The following EMC8 variants were observed in gnomAD, a reference collection of about 807,000 sequenced individuals.
EMC8 encodes the protein COX4 neighbor.
EMC8 carries 11 observed loss-of-function variants against 24.3 expected under a neutral mutation model. The observed-to-expected ratio is 0.45, with a 90% CI of 0.28 to 0.75. The LOEUF (loss-of-function observed/expected upper bound fraction) is 0.75. EMC8 is among the 30% of genes least tolerant of loss of function. EMC8 has a pLI of 0.12. For missense variants in EMC8, 277 were observed against 282.7 expected, an observed-to-expected ratio of 0.98 and a Z score of 0.14; for synonymous variants, 145 against 117.7, an observed-to-expected ratio of 1.23 and a Z score of -1.50.
At chr16:85,791,221 C>T (rs1485741878) in intron 1 of EMC8, among the ~76,000 whole-genome samples, 1 of 152,064 alleles carries the variant, frequency 6.6e-6, no homozygotes, top group African/African-American at 2.4e-5. Context: ...ATTTTTAATG[C>T]ATACATTTTT....
chr16:85,790,349 G>C (rs910768645), intron 1 of EMC8, among the ~76,000 whole-genome samples: 2 of 152,058 alleles, frequency 1.3e-5, no homozygotes, highest in African/African-American at 4.8e-5. Context: ...AAGAGTTCAC[G>C]AATTACCATA....
intron 1 of EMC8, among the ~76,000 whole-genome samples, chr16:85,797,032 T>A (rs774550542): frequency 2.4e-4 from 36 of 152,228 alleles, no homozygotes; most frequent in Admixed American, 4.6e-4. Flanking sequence ...TAATCCCGCA[T>A]AAATGCTACT....
rs184964502 is a variant in EMC8, at chr16:85,793,830, T to A, written c.232-4780A>T. ...AATTTCCATACTAACATTTTATGGGTTTCTGCTATTAGGAATAATTCCTTC... is the reference window on the plus strand; with the variant it reads ...AATTTCCATACTAACATTTTATGGGATTCTGCTATTAGGAATAATTCCTTC... On this transcript the variant is annotated intron_variant, in intron 1 of 4. Transcript: ENST00000253457. Among the ~76,000 whole-genome samples the A allele has an allele frequency of 2.6e-5, 4 of 152,320 alleles. No individual in the cohort carries two copies. The East Asian group carries it at 7.7e-4, about 29-fold the overall frequency.
At chr16:85,785,567 C>G (rs908234488) in intron 2 of EMC8, among the ~76,000 whole-genome samples, 38 of 152,092 alleles carry the variant, frequency 2.5e-4, no homozygotes, top group African/African-American at 8.7e-4. Context: ...GAGACTCTGT[C>G]TGCTCTGCCA....
In EMC8 at chr16:85,778,830, G is replaced by A. The variant is rs1904360847; in HGVS notation, c.*878C>T. 6.6e-6 allele frequency: 1 copy of A among 152,076 alleles called. No individual in the cohort carries two copies. The highest frequency in any genetic ancestry group is 2.4e-5 in the African/African-American group (1 of 41,418). 9.4% of individuals were successfully genotyped at this position (152,076 alleles called of 1,614,324 possible). ...AATAATTCATATAAAAAGGAAAAAAGGTAAACGTACCATAAAGTTTCCCTC... is the reference window on the plus strand; with the variant it reads ...AATAATTCATATAAAAAGGAAAAAAAGTAAACGTACCATAAAGTTTCCCTC... On this transcript the variant is annotated 3_prime_UTR_variant, in exon 5 of 5. Coordinates refer to ENST00000253457, the MANE Select transcript of EMC8 (RefSeq NM_006067.5).
intron 2 of EMC8, among the ~76,000 whole-genome samples, chr16:85,782,698 A>T (rs1310110991): frequency 1.3e-5 from 2 of 152,120 alleles, no homozygotes; most frequent in Non-Finnish European, 2.9e-5. Context: ...ATTCCCTTGC[A>T]GAGCAGCACT....
chr16:85,781,510 A>G (rs1266207707), intron 2 of EMC8: 4 of 466,750 alleles, frequency 8.6e-6, no homozygotes, highest in African/African-American at 5.9e-5. Context: ...AGCCCACTGT[A>G]ACCTCAAATT....
At chr16:85,790,383 G>A (rs1904948328) in intron 1 of EMC8, among the ~76,000 whole-genome samples, 1 of 152,116 alleles carries the variant, frequency 6.6e-6, no homozygotes, top group South Asian at 2.1e-4. Flanking sequence ...AGGGCTCAGT[G>A]AACCAACTAG....
chr16:85,780,940 G>A (rs1316807432), intron 3 of EMC8: 1 of 522,168 alleles, frequency 1.9e-6, no homozygotes, highest in Non-Finnish European at 3.5e-6. Context: ...GGTCTGGGGT[G>A]GGTGCCTGGG....
chr16:85,797,929 G>A (rs1905314973), intron 1 of EMC8, among the ~76,000 whole-genome samples: 1 of 152,040 alleles, frequency 6.6e-6, no homozygotes, highest in Non-Finnish European at 1.5e-5. Context: ...TTTATAGATG[G>A]TCTTTTTCCC....
intron 2 of EMC8, among the ~76,000 whole-genome samples, chr16:85,785,524 C>T (rs763638141): frequency 7.2e-5 from 11 of 152,094 alleles, no homozygotes; most frequent in Admixed American, 3.9e-4. Flanking sequence ...GAGGCGAGAT[C>T]GTGCCACTGC....
In EMC8 at chr16:85,799,440, G is replaced by T; in HGVS notation, c.-145C>A. 1 of 440,478 alleles carries T rather than the reference G, an allele frequency of 2.3e-6. No individual in the cohort carries two copies. Among genetic ancestry groups the T allele is most frequent in the Non-Finnish European group, 3.9e-6 (1 of 258,892 alleles). The allele number at this position is 440,478 out of a possible 1,614,324, so 27.3% of individuals were successfully genotyped here. On this transcript the variant is annotated 5_prime_UTR_variant, in exon 1 of 5. Transcript: ENST00000253457. This position sits in a 1 kb window ranked among gnomAD's most constrained non-coding sequence, Gnocchi z 4.2. ...CGCGGGCTGGCGGGGGACCCTTCAG[G>T]CCCGGCCCCGTTTGGGCCTCGGCTC... is the stretch of plus-strand genomic sequence containing the variant.
chr16:85,790,046 T>C (rs1471569958), intron 1 of EMC8, among the ~76,000 whole-genome samples: 1 of 152,194 alleles, frequency 6.6e-6, no homozygotes, highest in Non-Finnish European at 1.5e-5. Flanking sequence ...AGGCCATTAT[T>C]CAAAACAACA....
chr16:85,780,300 A>ACAGG, intron 4 of EMC8, 79 bp downstream of exon 4: 2 of 1,016,464 alleles, frequency 2.0e-6, no homozygotes, highest in Admixed American at 3.6e-5. Flanking sequence ...AACTGAAAAC[A>ACAGG]CAGGCGGGGT....
Position 85,799,201 on chromosome 16 carries a change from G to A in EMC8, c.95C>T (p.Ala32Val), listed in dbSNP as rs141710669. ...CTCCTTACGCGGCTTCTGCTTCTCG[G>A]CCACCAGGAGCCCGTTGACGGCGCA... ...PHCAVNGLLV[A>V]EKQKPRKEHL... is the part of the protein sequence containing the mutation. Residue 32 changes from alanine (A) to valine (V), a missense_variant, in exon 1 of 5, where the codon GCC becomes GTC. Transcript: ENST00000253457. The surrounding 1 kb of genome is among the most constrained non-coding windows in gnomAD (Gnocchi z 4.2). 8.1e-6 allele frequency: 13 copies of A among 1,613,222 alleles called. No homozygotes were observed. The African/African-American group carries it at 1.5e-4, about 18-fold the overall frequency.
chr16:85,780,655 G>C (rs1193962950), intron 3 of EMC8, 182 bp from the exon 4 acceptor site: 1 of 592,760 alleles, frequency 1.7e-6, no homozygotes, highest in African/African-American at 1.9e-5. Context: ...GTGTCATGCA[G>C]GAAAACGTCA....
At chr16:85,780,111 C>G (rs150296259) in intron 4 of EMC8, 2 of 600,410 alleles carry the variant, frequency 3.3e-6, no homozygotes, top group African/African-American at 1.9e-5. Context: ...CTGAAGCTTT[C>G]TGAGTGGCCA....
At chr16:85,784,924 C>G (rs1904682508) in intron 2 of EMC8, 1 of 152,202 alleles carries the variant, frequency 6.6e-6, no homozygotes, top group Admixed American at 6.5e-5. Flanking sequence ...ATTGCAGATG[C>G]TCAAGAACTC....
chr16:85,799,075 GC>G lies in EMC8; in HGVS notation c.220del (p.Ala74LeufsTer4), dbSNP rs1368980258. 6.4e-7 allele frequency: 1 copy of G among 1,550,670 alleles called. No individual in the cohort carries two copies. Among genetic ancestry groups the G allele is most frequent in the Non-Finnish European group, 8.7e-7 (1 of 1,146,000 alleles). Reference protein sequence around the residue: ...TLALAPMLEVALTLIDSWCKD... With the variant: ...TLALAPMLEVXLTLIDSWCKD... ...CCTTTCCGCGCTTACCAGGGTGAGA[GC>G]CACCTCCAGCATGGGGGCGAGGGCC... On this transcript the variant is annotated frameshift_variant, in exon 1 of 5. Transcript: ENST00000253457. LOFTEE classifies it high-confidence loss of function. The surrounding 1 kb of genome is among the most constrained non-coding windows in gnomAD (Gnocchi z 4.2).
Sources: allele counts gnomAD v4.1 joint callset (sites outside exome capture counted in the v4.1 genomes callset), GRCh38; gene constraint gnomAD v4.1.1; non-coding constraint Gnocchi (gnomAD v3.1); transcripts MANE v1.5; gene names NCBI Gene and HGNC (gene_info 2026-07-23, HGNC 2026-07-21).